Variants in DCLK1 observed in about 807,000 individuals in gnomAD.
DCLK1 encodes doublecortin like kinase 1.
In DCLK1, 16 loss-of-function variants were observed where a neutral mutation model predicts 86.2. The observed-to-expected ratio is 0.19, with a 90% CI of 0.13 to 0.28. DCLK1 has a LOEUF of 0.28. Among genes scored for constraint, DCLK1 ranks in the 10% least tolerant of loss-of-function variants. The probability of loss-of-function intolerance (pLI) is 1.00; values close to 1 mark genes in which losing one functional copy is unlikely to be tolerated. For synonymous variants in DCLK1, 369 were observed against 370.5 expected (o/e 1.00, Z 0.05); for missense variants, 590 against 940.2 (o/e 0.63, Z 4.87).
At chr13:35,932,955 T>C (rs950473105) in intron 4 of DCLK1, among the ~76,000 whole-genome samples, 1 of 152,184 alleles carries the variant, frequency 6.6e-6, no homozygotes, top group Non-Finnish European at 1.5e-5. Context: ...GCAAGTCCCT[T>C]CTACCTATGA....
At chr13:35,836,787 T>C (rs1402761285) in intron 7 of DCLK1, among the ~76,000 whole-genome samples, 1 of 152,232 alleles carries the variant, frequency 6.6e-6, no homozygotes, top group Non-Finnish European at 1.5e-5. Flanking sequence ...GTTTCAATTA[T>C]GTTAGTGCCA....
At chr13:36,038,403 C>T (rs1261974625) in intron 3 of DCLK1, among the ~76,000 whole-genome samples, 2 of 152,310 alleles carry the variant, frequency 1.3e-5, no homozygotes, top group Admixed American at 1.3e-4. Flanking sequence ...AATACAGTAA[C>T]AAGAGCCTAG....
At chr13:35,877,625 C>T (rs1363968168) in intron 4 of DCLK1, among the ~76,000 whole-genome samples, 3 of 152,170 alleles carry the variant, frequency 2.0e-5, no homozygotes, top group African/African-American at 7.2e-5. Context: ...CACTCTTAGG[C>T]AGAGGCCTCT....
chr13:35,794,078 C>T (rs1024994786), intron 15 of DCLK1, among the ~76,000 whole-genome samples: 2 of 152,168 alleles, frequency 1.3e-5, no homozygotes, highest in African/African-American at 4.8e-5. Flanking sequence ...TATATTGGAG[C>T]TTATTTTAAC....
intron 4 of DCLK1, among the ~76,000 whole-genome samples, chr13:35,904,609 T>C (rs544724536): frequency 6.1e-4 from 93 of 152,296 alleles, no homozygotes; most frequent in African/African-American, 2.0e-3. Flanking sequence ...GGCATATAGC[T>C]CCTTGTCTAT....
intron 3 of DCLK1, among the ~76,000 whole-genome samples, chr13:36,084,642 C>T (rs1884533073): frequency 1.3e-5 from 2 of 152,122 alleles, no homozygotes; most frequent in Non-Finnish European, 2.9e-5. Flanking sequence ...GTGAAAGCTA[C>T]AATCATTCTG....
chr13:35,922,398 T>C (rs1875853125), intron 4 of DCLK1, among the ~76,000 whole-genome samples: 1 of 152,166 alleles, frequency 6.6e-6, no homozygotes, highest in African/African-American at 2.4e-5. Flanking sequence ...CGGCATCAAG[T>C]TCAGAGCTAC....
chr13:35,892,720 A>G (rs1203394394), intron 4 of DCLK1, among the ~76,000 whole-genome samples: 1 of 152,206 alleles, frequency 6.6e-6, no homozygotes, highest in African/African-American at 2.4e-5. Context: ...TGATAAAGGG[A>G]CAGTCACCTA....
intron 3 of DCLK1, among the ~76,000 whole-genome samples, chr13:36,037,190 A>C (rs976305561): frequency 6.6e-6 from 1 of 152,156 alleles, no homozygotes; most frequent in African/African-American, 2.4e-5. Context: ...AGCTTTAAAA[A>C]AAAATGATCT....
chr13:35,930,367 C>T (rs1876360884), intron 4 of DCLK1, among the ~76,000 whole-genome samples: 2 of 152,240 alleles, frequency 1.3e-5, no homozygotes, highest in South Asian at 4.1e-4. Flanking sequence ...CCCTCCTGTA[C>T]TCAGGGGTAT....
At chr13:35,882,244 G>A (rs1872959899) in intron 4 of DCLK1, among the ~76,000 whole-genome samples, 1 of 152,134 alleles carries the variant, frequency 6.6e-6, no homozygotes, top group African/African-American at 2.4e-5. Context: ...GGACTTCTCT[G>A]TGTGTCTGTG....
chr13:35,994,080 GA>G (rs1880369289), intron 3 of DCLK1, among the ~76,000 whole-genome samples: 1 of 141,126 alleles, frequency 7.1e-6, no homozygotes, highest in Non-Finnish European at 1.5e-5. Flanking sequence ...TTGAAAAAAA[GA>G]AAAGGGGAAA....
intron 15 of DCLK1, among the ~76,000 whole-genome samples, chr13:35,798,497 A>G (rs992403016): frequency 6.6e-6 from 1 of 152,166 alleles, no homozygotes; most frequent in East Asian, 1.9e-4. Context: ...GGACTCTTCA[A>G]TAGCAGTTCC....
intron 3 of DCLK1, among the ~76,000 whole-genome samples, chr13:36,046,190 A>ATT (rs1882908241): frequency 1.3e-5 from 2 of 152,228 alleles, no homozygotes; most frequent in Non-Finnish European, 2.9e-5. Flanking sequence ...TGCAGAAGCA[A>ATT]ACATACACTC....
intron 4 of DCLK1, among the ~76,000 whole-genome samples, chr13:35,915,914 G>T (rs1254150184): frequency 6.6e-6 from 1 of 152,152 alleles, no homozygotes; most frequent in African/African-American, 2.4e-5. Context: ...TCATTCAAAT[G>T]TTCAAGCCTG....
chr13:35,787,134 T>A (rs1457939608), intron 16 of DCLK1, among the ~76,000 whole-genome samples: 1 of 151,434 alleles, frequency 6.6e-6, no homozygotes, highest in Non-Finnish European at 1.5e-5. Context: ...CATATATACT[T>A]TATATGTGCA....
chr13:35,958,367 C>CATAAACACAGG (rs1878255830), intron 3 of DCLK1, among the ~76,000 whole-genome samples: 1 of 121,354 alleles, frequency 8.2e-6, no homozygotes, highest in African/African-American at 2.9e-5. Context: ...TCACTGCCGT[C>CATAAACACAGG]ACCACTATAA....
At chr13:36,112,297 T>C (rs1885646337) in intron 2 of DCLK1, 82 bp from the exon 3 acceptor site, 1 of 1,119,584 alleles carries the variant, frequency 8.9e-7, no homozygotes, top group East Asian at 2.6e-5. Flanking sequence ...TTTTGCCTTT[T>C]CTGCTTAGGG....
At chr13:35,869,921 G>A (rs957019696) in intron 5 of DCLK1, among the ~76,000 whole-genome samples, 9 of 152,160 alleles carry the variant, frequency 5.9e-5, no homozygotes, top group African/African-American at 1.7e-4. Context: ...GAATCTCAGG[G>A]TGTGGGGGTT....
Sources: allele counts gnomAD v4.1 joint callset (sites outside exome capture counted in the v4.1 genomes callset), GRCh38; gene constraint gnomAD v4.1.1; transcripts MANE v1.5; gene names NCBI Gene and HGNC (gene_info 2026-07-23, HGNC 2026-07-21).